The following RALGPS1 variants were observed in gnomAD, a reference collection of about 807,000 sequenced individuals.
RALGPS1 encodes the protein ras-specific guanine nucleotide-releasing factor RalGPS1.
In RALGPS1, 19 loss-of-function variants were observed where a neutral mutation model predicts 78.8. The observed-to-expected ratio is 0.24, with a 90% CI of 0.17 to 0.35. The LOEUF is 0.35. Ranked by LOEUF, RALGPS1 falls within the 10% of genes least tolerant of loss-of-function variation. The pLI is 1.00. For missense variants in RALGPS1, 454 were observed against 688.3 expected, an observed-to-expected ratio of 0.66 and a Z score of 3.81; for synonymous variants, 228 against 256.3, an observed-to-expected ratio of 0.89 and a Z score of 1.06.
At chr9:127,185,966 C>G (rs1049825393) in intron 11 of RALGPS1, among the ~76,000 whole-genome samples, 4 of 152,168 alleles carry the variant, frequency 2.6e-5, no homozygotes, top group African/African-American at 9.7e-5. Flanking sequence ...GTGACCTACT[C>G]AAGGTCACTC....
chr9:127,066,868 G>A (rs1032844124), intron 7 of RALGPS1, among the ~76,000 whole-genome samples: 6 of 151,900 alleles, frequency 3.9e-5, no homozygotes, highest in Non-Finnish European at 2.9e-5. Context: ...GCTGGAGTAC[G>A]GTGGCGCAAT....
intron 11 of RALGPS1, among the ~76,000 whole-genome samples, chr9:127,188,997 CAAAAAAAAAAA>C (rs543909572): frequency 1.8e-5 from 1 of 56,826 alleles, no homozygotes; most frequent in African/African-American, 7.3e-5. Context: ...AAGACTGTCT[CAAAAAAAAAAA>C]AAAAAAAAAA....
At chr9:126,952,639 GA>G (rs2037930966) in intron 1 of RALGPS1, among the ~76,000 whole-genome samples, 1 of 124,572 alleles carries the variant, frequency 8.0e-6, no homozygotes, top group South Asian at 3.5e-4. Flanking sequence ...GAGAGAGAGA[GA>G]GAGAGAGAGA....
At chr9:127,168,149 C>T (rs2059383754) in intron 9 of RALGPS1, among the ~76,000 whole-genome samples, 1 of 152,230 alleles carries the variant, frequency 6.6e-6, no homozygotes, top group African/African-American at 2.4e-5. Flanking sequence ...TGCCTGGACC[C>T]CTCCCTTTCT....
chr9:126,951,650 G>A (rs901385978), intron 1 of RALGPS1, among the ~76,000 whole-genome samples: 82 of 152,156 alleles, frequency 5.4e-4, no homozygotes, highest in Middle Eastern at 3.4e-3. Context: ...AATAAATTAG[G>A]TATTGATGGG....
At chr9:126,931,219 T>TA (rs757127678) in intron 1 of RALGPS1, among the ~76,000 whole-genome samples, 10 of 152,336 alleles carry the variant, frequency 6.6e-5, no homozygotes, top group Non-Finnish European at 1.3e-4. Flanking sequence ...ATCTTGGTCT[T>TA]ACGGCCACAA....
At chr9:126,939,491 A>G (rs1002385503) in intron 1 of RALGPS1, among the ~76,000 whole-genome samples, 1 of 152,248 alleles carries the variant, frequency 6.6e-6, no homozygotes, top group Admixed American at 6.5e-5. Flanking sequence ...CATATAGAGC[A>G]CTTAGACGAG....
At chr9:126,997,419 A>G (rs1373984200) in intron 4 of RALGPS1, among the ~76,000 whole-genome samples, 8 of 152,206 alleles carry the variant, frequency 5.3e-5, no homozygotes, top group South Asian at 2.1e-4. Flanking sequence ...CCCATTCACA[A>G]TTGCTTCAAA....
At chr9:127,185,193 C>G (rs2060563833) in intron 11 of RALGPS1, among the ~76,000 whole-genome samples, 1 of 152,192 alleles carries the variant, frequency 6.6e-6, no homozygotes, top group Admixed American at 6.5e-5. Flanking sequence ...TCTGGTTGCT[C>G]TCCAACCAAA....
chr9:127,079,453 C>G (rs1344447325), intron 8 of RALGPS1: 1 of 152,218 alleles, frequency 6.6e-6, no homozygotes, highest in East Asian at 1.9e-4. Context: ...ATCTCTTCCC[C>G]TTGAGTGTAG....
intron 1 of RALGPS1, among the ~76,000 whole-genome samples, chr9:126,943,678 A>G (rs537717): frequency 0.73 from 110,327 of 151,904 alleles, 40,288 homozygotes; most frequent in East Asian, 0.82. Flanking sequence ...TTTTCCTGTC[A>G]CCTGGGGTGT....
At chr9:127,005,455 TGGGACTTTCTGTGTCA>T (rs1204326427) in intron 4 of RALGPS1, among the ~76,000 whole-genome samples, 1 of 152,244 alleles carries the variant, frequency 6.6e-6, no homozygotes. Flanking sequence ...TCACTGTGGC[TGGGACTTTCTGTGTCA>T]GCGTGCATTG....
intron 8 of RALGPS1, among the ~76,000 whole-genome samples, chr9:127,123,150 G>A (rs1264299494): frequency 1.3e-5 from 2 of 152,238 alleles, no homozygotes; most frequent in African/African-American, 2.4e-5. Flanking sequence ...CCCATCAGCC[G>A]CCCTTCGTGG....
intron 1 of RALGPS1, among the ~76,000 whole-genome samples, chr9:126,955,161 T>A (rs903221730): frequency 6.6e-6 from 1 of 152,224 alleles, no homozygotes; most frequent in Non-Finnish European, 1.5e-5. Context: ...TTTAAGGCAT[T>A]TATCAGTATC....
Position 127,212,531 on chromosome 9 carries a change from A to AG in RALGPS1, c.1354-96_1354-95insG. 1.2e-6 allele frequency: 1 copy of AG among 858,996 alleles called. No individual in the cohort carries two copies. Among genetic ancestry groups the AG allele is most frequent in the Non-Finnish European group, 1.8e-6 (1 of 552,960 alleles). The allele number at this position is 858,996 out of a possible 1,614,324, so 53.2% of individuals were successfully genotyped here. Reference sequence around the variant, plus strand: ...GGGCCAGGGAAGAGATGGGGCCTGCACTGGCATTGATGGGATGGCTGGGTC... The same window carrying AG: ...GGGCCAGGGAAGAGATGGGGCCTGCAGCTGGCATTGATGGGATGGCTGGGTC... On this transcript the variant is annotated intron_variant, in intron 15 of 18. Transcript: ENST00000259351. This position sits in a 1 kb window ranked among gnomAD's most constrained non-coding sequence, Gnocchi z 6.0.
intron 4 of RALGPS1, among the ~76,000 whole-genome samples, chr9:126,988,785 G>A (rs1482581081): frequency 6.6e-6 from 1 of 152,166 alleles, no homozygotes; most frequent in Non-Finnish European, 1.5e-5. Context: ...AGAGGAAGCA[G>A]GCTGTAGTTG....
At position 127,212,348 on chromosome 9, in the gene RALGPS1, A is replaced by C. The variant is rs2062314087; in HGVS notation, c.1353+112A>C. On this transcript the variant is annotated intron_variant, in intron 15 of 18. Transcript: ENST00000259351. The surrounding 1 kb of genome is among the most constrained non-coding windows in gnomAD (Gnocchi z 6.0). ...CATGCATGGCAGAGGCTCTGCTTGC[A>C]GTGGGCATGCAGCGAGCTGAACTCT... 1 of 800,360 alleles carries C rather than the reference A, an allele frequency of 1.2e-6. No individual in the cohort carries two copies. Among genetic ancestry groups the C allele is most frequent in the South Asian group, 1.8e-5 (1 of 54,826 alleles). 49.6% of individuals were successfully genotyped at this position (800,360 alleles called of 1,614,324 possible). A position where few individuals can be genotyped will look rare whatever the true frequency, so the allele number is the denominator to read the frequency against.
chr9:127,022,820 A>G (rs762569631), intron 4 of RALGPS1, among the ~76,000 whole-genome samples: 7 of 152,096 alleles, frequency 4.6e-5, no homozygotes, highest in Non-Finnish European at 1.0e-4. Flanking sequence ...CATCCCCTCC[A>G]AATATTCCTA....
intron 8 of RALGPS1, among the ~76,000 whole-genome samples, chr9:127,090,865 G>A (rs2052384018): frequency 1.3e-5 from 2 of 152,236 alleles, no homozygotes; most frequent in African/African-American, 4.8e-5. Context: ...GGCATTAACT[G>A]TGTGGGAGGC....
Sources: allele counts gnomAD v4.1 joint callset (sites outside exome capture counted in the v4.1 genomes callset), GRCh38; gene constraint gnomAD v4.1.1; non-coding constraint Gnocchi (gnomAD v3.1); transcripts MANE v1.5; gene names NCBI Gene and HGNC (gene_info 2026-07-23, HGNC 2026-07-21).